Variants in AFG3L2 observed in about 807,000 individuals in gnomAD.
The protein encoded by AFG3L2 is AFG3 like matrix AAA peptidase subunit 2.
In AFG3L2, 54 loss-of-function variants were observed where a neutral mutation model predicts 94.5. The ratio of observed to expected loss-of-function variants is 0.57; its 90% CI spans 0.46 to 0.72. The LOEUF (loss-of-function observed/expected upper bound fraction) is 0.72. AFG3L2 is among the 30% of genes least tolerant of loss of function. The pLI, the probability that AFG3L2 is intolerant of heterozygous loss-of-function variation, is 0.00. For missense variants in AFG3L2, 754 were observed against 994.9 expected, an observed-to-expected ratio of 0.76 and a Z score of 3.26; for synonymous variants, 377 against 365.5, an observed-to-expected ratio of 1.03 and a Z score of -0.36.
chr18:12,367,288 G>A lies in AFG3L2; in HGVS notation c.387C>T (p.Ser129=). The A allele has an allele frequency of 1.2e-6, 2 of 1,614,092 alleles. No homozygotes were observed. Among genetic ancestry groups the A allele is most frequent in the Non-Finnish European group, 1.7e-6 (2 of 1,180,024 alleles). ...GGKKDDSHWW[S]RFQKGDIPWD... Reference sequence around the variant, plus strand: ...TATAGCATCAAACCTTCTGAAACCTGGACCACCAGTGAGAATCATCTTTCT... The same window carrying A: ...TATAGCATCAAACCTTCTGAAACCTAGACCACCAGTGAGAATCATCTTTCT... Residue 129 remains serine (S), a synonymous_variant, in exon 4 of 17, where the codon TCC becomes TCT. Coordinates refer to ENST00000269143, the MANE Select transcript of AFG3L2 (RefSeq NM_006796.3).
At chr18:12,350,665 G>A (rs1415217052) in intron 12 of AFG3L2, among the ~76,000 whole-genome samples, 1 of 152,214 alleles carries the variant, frequency 6.6e-6, no homozygotes, top group Non-Finnish European at 1.5e-5. Flanking sequence ...AGTAAAAATA[G>A]TCGGGCACAG....
At chr18:12,337,273 A>G in intron 16 of AFG3L2, 68 bp downstream of exon 16, 2 of 1,401,622 alleles carry the variant, frequency 1.4e-6, no homozygotes, top group Non-Finnish European at 2.0e-6. Flanking sequence ...CAACCAAAAC[A>G]GTCTATCTAT....
intron 13 of AFG3L2, among the ~76,000 whole-genome samples, chr18:12,347,449 A>G (rs567874379): frequency 2.6e-5 from 4 of 152,356 alleles, no homozygotes; most frequent in East Asian, 1.9e-4. Context: ...CAGAAGCCCT[A>G]TGGAATGCTA....
chr18:12,331,851 AT>A (rs1907542250), intron 16 of AFG3L2, among the ~76,000 whole-genome samples: 4 of 9,616 alleles, frequency 4.2e-4, no homozygotes, highest in African/African-American at 6.3e-4. Context: ...ATATATATAT[AT>A]ATATATATAA....
At chr18:12,332,940 C>CATATACTAAATAAT (rs1568131835) in intron 16 of AFG3L2, among the ~76,000 whole-genome samples, 1 of 112,202 alleles carries the variant, frequency 8.9e-6, no homozygotes. Context: ...TACTATATAA[C>CATATACTAAATAAT]ATATAATATA....
chr18:12,357,278 A>G (rs1020313769), intron 8 of AFG3L2, among the ~76,000 whole-genome samples: 3 of 152,194 alleles, frequency 2.0e-5, no homozygotes, highest in Admixed American at 6.5e-5. Flanking sequence ...TCTGACTTCT[A>G]CTTTCATGTA....
chr18:12,359,846 T>C (rs1908604847), intron 7 of AFG3L2, 81 bp downstream of exon 7: 3 of 1,567,474 alleles, frequency 1.9e-6, no homozygotes, highest in East Asian at 2.2e-5. Flanking sequence ...ATATAATGTA[T>C]AGCCCTGCAC....
At chr18:12,372,727 C>T (rs1312166250) in intron 1 of AFG3L2, among the ~76,000 whole-genome samples, 1 of 152,176 alleles carries the variant, frequency 6.6e-6, no homozygotes, top group African/African-American at 2.4e-5. Context: ...GAATGAAGTA[C>T]TGACACGTGG....
At chr18:12,332,071 CTAGTG>C (rs1907550431) in intron 16 of AFG3L2, among the ~76,000 whole-genome samples, 1 of 151,218 alleles carries the variant, frequency 6.6e-6, no homozygotes, top group Non-Finnish European at 1.5e-5. Context: ...GATCATATAC[CTAGTG>C]TAAAGAAAAT....
chr18:12,356,628 T>G lies in AFG3L2; in HGVS notation c.1164+66A>C, dbSNP rs538865814. On this transcript the variant is annotated intron_variant, in intron 9 of 16. Transcript: ENST00000269143. ...AGGGGGAAGGGCCATCTCTAGCAAG[T>G]GCCTCCATCTGTGGTGAAGTGGTGG... is the stretch of plus-strand genomic sequence containing the variant. 3.0e-5 allele frequency: 48 copies of G among 1,609,150 alleles called. No individual in the cohort carries two copies. The South Asian group carries it at 4.8e-4, about 16-fold the overall frequency.
intron 9 of AFG3L2, among the ~76,000 whole-genome samples, chr18:12,356,102 T>C: frequency 6.7e-6 from 1 of 148,578 alleles, no homozygotes; most frequent in East Asian, 2.0e-4. Flanking sequence ...GTCAATTATA[T>C]CTCAATAAAT....
At chr18:12,340,721 G>A (rs966265357) in intron 14 of AFG3L2, among the ~76,000 whole-genome samples, 1 of 152,030 alleles carries the variant, frequency 6.6e-6, no homozygotes, top group Admixed American at 6.6e-5. Flanking sequence ...TCAGCCTCCT[G>A]AGTAGCTCGG....
At chr18:12,367,993 C>A (rs905801076) in intron 3 of AFG3L2, among the ~76,000 whole-genome samples, 1 of 152,040 alleles carries the variant, frequency 6.6e-6, no homozygotes, top group Non-Finnish European at 1.5e-5. Flanking sequence ...CATGGAGAAA[C>A]CCTGTCTCTA....
Position 12,362,481 on chromosome 18 carries a change from T to TC in AFG3L2, c.627+1300dup, listed in dbSNP as rs569861190. Among the ~76,000 whole-genome samples, 6 of 152,296 alleles carry TC rather than the reference T, an allele frequency of 3.9e-5. No homozygotes were observed. In the East Asian group the frequency reaches 9.6e-4, roughly 24 times the overall value. On this transcript the variant is annotated intron_variant, in intron 6 of 16. Coordinates refer to ENST00000269143, the MANE Select transcript of AFG3L2 (RefSeq NM_006796.3). ...AGACTGTATAATGCCACCTTTACAA[T>TC]CTTGAAATACAATTTTGAAAAGAAA...
chr18:12,375,549 T>C (rs532773415), intron 1 of AFG3L2, among the ~76,000 whole-genome samples: 2 of 148,456 alleles, frequency 1.3e-5, no homozygotes, highest in South Asian at 2.1e-4. Flanking sequence ...GGCAAGATGG[T>C]GAACCCTATC....
intron 16 of AFG3L2, chr18:12,337,060 G>A: frequency 1.7e-6 from 1 of 598,664 alleles, no homozygotes; most frequent in East Asian, 2.7e-5. Flanking sequence ...TGGTGAGGGA[G>A]AGTCCTGATT....
At chr18:12,366,446 G>A (rs1908810490) in intron 5 of AFG3L2, among the ~76,000 whole-genome samples, 2 of 152,184 alleles carry the variant, frequency 1.3e-5, no homozygotes, top group South Asian at 4.1e-4. Flanking sequence ...AGAAATGGCA[G>A]GGACCACGCA....
chr18:12,337,209 G>A (rs779145237), intron 16 of AFG3L2, 132 bp downstream of exon 16: 5 of 820,034 alleles, frequency 6.1e-6, no homozygotes, highest in Non-Finnish European at 1.0e-5. Flanking sequence ...CGAAACATCA[G>A]AACGAACGGA....
At chr18:12,364,428 A>G (rs1391226002) in intron 5 of AFG3L2, among the ~76,000 whole-genome samples, 1 of 152,160 alleles carries the variant, frequency 6.6e-6, no homozygotes, top group Non-Finnish European at 1.5e-5. Flanking sequence ...AGATAGACAC[A>G]CTAAGGCTGT....
Sources: gnomAD v4.1 joint callset for allele counts (sites outside exome capture counted in the v4.1 genomes callset) on GRCh38, gnomAD v4.1.1 for gene constraint, MANE v1.5 for transcripts, NCBI Gene and HGNC (gene_info 2026-07-23, HGNC 2026-07-21) for gene names.